Variants in PSEN1 observed in about 807,000 individuals in gnomAD.
PSEN1 encodes the protein presenilin-1.
PSEN1 carries 15 observed loss-of-function variants against 53.5 expected under a neutral mutation model. That is an observed-to-expected ratio of 0.28 (90% CI 0.19 to 0.43). The LOEUF is 0.43. Ranked by LOEUF, PSEN1 falls within the 20% of genes least tolerant of loss-of-function variation. PSEN1 has a pLI of 1.00. For missense variants in PSEN1, 387 were observed against 571.2 expected (o/e 0.68, Z 3.29); for synonymous variants, 208 against 209.8 (o/e 0.99, Z 0.08).
chr14:73,196,474 ATTTTTTT>A (rs35294154), intron 7 of PSEN1, among the ~76,000 whole-genome samples: 4 of 102,282 alleles, frequency 3.9e-5, no homozygotes, highest in South Asian at 3.4e-4. Context: ...GAGGCATGAA[ATTTTTTT>A]TTTTTTTTTT....
chr14:73,164,177 G>A (rs960047976), intron 3 of PSEN1, among the ~76,000 whole-genome samples: 5 of 152,074 alleles, frequency 3.3e-5, no homozygotes, highest in East Asian at 3.9e-4. Context: ...TCCTAGATTC[G>A]GGACTTCCTA....
intron 1 of PSEN1, chr14:73,137,128 C>T (rs45511501): frequency 1.8e-3 from 274 of 152,796 alleles, no homozygotes; most frequent in Middle Eastern, 3.4e-3. Flanking sequence ...CTCTCAGATT[C>T]TTCTCACCGT....
rs546349237 is a variant in PSEN1, at chr14:73,210,825, T to C, written c.956-944T>C. Among the ~76,000 whole-genome samples the C allele has an allele frequency of 9.8e-5, 15 of 152,346 alleles. No homozygotes were observed. The East Asian group carries it at 2.9e-3, about 29-fold the overall frequency. On this transcript the variant is annotated intron_variant, in intron 9 of 11. Coordinates refer to ENST00000324501, the MANE Select transcript of PSEN1 (RefSeq NM_000021.4). ...AATCTACTTCTGCTCTGAACATGTA[T>C]TACTTTTATAAAAAATGAAGGAAGA...
rs139085364 is a variant in PSEN1 at position 73,175,213 on chromosome 14, G to A, written c.480+1506G>A. 8.2e-3 allele frequency among the ~76,000 whole-genome samples: 1,241 copies of A among 152,182 alleles called. 19 individuals are homozygous for A. Among genetic ancestry groups the A allele is most frequent in the African/African-American group, 0.029 (1,188 of 41,528 alleles). On this transcript the variant is annotated intron_variant, in intron 5 of 11. Transcript: ENST00000324501. ...GCGATCTTGGCTCACTGCAAGCTGT[G>A]CCTCCTGGGTTCAAGCGATTCTTCT...
intron 3 of PSEN1, among the ~76,000 whole-genome samples, chr14:73,161,562 A>T (rs949757316): frequency 6.6e-5 from 10 of 152,038 alleles, no homozygotes; most frequent in African/African-American, 2.4e-4. Context: ...CAACAGAAAA[A>T]GACACATAGG....
rs552627930 is a variant in PSEN1 at position 73,213,812 on chromosome 14, G to A, written c.1129+1870G>A. Among the ~76,000 whole-genome samples, 156 of 152,330 alleles carry A rather than the reference G, an allele frequency of 1.0e-3. 1 individual carries two copies. Among genetic ancestry groups the A allele is most frequent in the African/African-American group, 3.3e-3 (136 of 41,580 alleles). ...AATCAAAACCACTTCATACTCACTA[G>A]ATTGGCTATAATAAAAAAGATAGAC... On this transcript the variant is annotated intron_variant, in intron 10 of 11. Transcript: ENST00000324501.
chr14:73,183,953 G>C (rs1450703541), intron 5 of PSEN1, among the ~76,000 whole-genome samples: 1 of 141,364 alleles, frequency 7.1e-6, no homozygotes, highest in Non-Finnish European at 1.5e-5. Flanking sequence ...CCTCCCGGAC[G>C]GGGCGGCTGG....
chr14:73,193,906 C>T (rs943824497), intron 7 of PSEN1, among the ~76,000 whole-genome samples: 2 of 152,196 alleles, frequency 1.3e-5, no homozygotes, highest in African/African-American at 4.8e-5. Context: ...ATCCTCCTAC[C>T]TTGGCCTCTC....
chr14:73,213,762 C>T (rs1401103842), intron 10 of PSEN1, among the ~76,000 whole-genome samples: 1 of 152,174 alleles, frequency 6.6e-6, no homozygotes, highest in Non-Finnish European at 1.5e-5. Context: ...AGATACTCAG[C>T]ATCATTAGCC....
chr14:73,202,357 T>C (rs1899224697), intron 8 of PSEN1, among the ~76,000 whole-genome samples: 2 of 140,696 alleles, frequency 1.4e-5, no homozygotes, highest in South Asian at 4.6e-4. Context: ...ACATTAAACA[T>C]GTATGTTAAT....
At chr14:73,144,708 C>T (rs554461749) in intron 1 of PSEN1, among the ~76,000 whole-genome samples, 2 of 152,252 alleles carry the variant, frequency 1.3e-5, no homozygotes, top group African/African-American at 4.8e-5. Flanking sequence ...TTAATAATGT[C>T]TCTAAGTTTT....
intron 5 of PSEN1, among the ~76,000 whole-genome samples, chr14:73,175,871 G>A (rs1010887869): frequency 5.3e-5 from 8 of 152,100 alleles, no homozygotes; most frequent in South Asian, 2.1e-4. Flanking sequence ...TCAAAATCTC[G>A]TTTTCAAAAA....
At chr14:73,193,663 T>C (rs1566642806) in intron 7 of PSEN1, among the ~76,000 whole-genome samples, 1 of 152,030 alleles carries the variant, frequency 6.6e-6, no homozygotes, top group African/African-American at 2.4e-5. Flanking sequence ...CAGAAGCTTT[T>C]TTCTTTTTTT....
intron 6 of PSEN1, among the ~76,000 whole-genome samples, chr14:73,187,620 T>C (rs1898564788): frequency 6.6e-6 from 1 of 152,132 alleles, no homozygotes; most frequent in African/African-American, 2.4e-5. Context: ...AGAGAATATC[T>C]AAACAGAGTA....
chr14:73,141,169 C>A (rs1276055026), intron 1 of PSEN1, among the ~76,000 whole-genome samples: 1 of 152,178 alleles, frequency 6.6e-6, no homozygotes, highest in African/African-American at 2.4e-5. Flanking sequence ...CACCATGCAG[C>A]CAAGCAAACT....
intron 1 of PSEN1, 157 bp from the exon 2 acceptor site, chr14:73,147,638 C>A: frequency 3.4e-6 from 1 of 295,528 alleles, no homozygotes; most frequent in Non-Finnish European, 6.6e-6. Flanking sequence ...CTAAAGAGGT[C>A]TACCTTGAGC....
At chr14:73,192,051 G>T (rs1252629220) in intron 6 of PSEN1, among the ~76,000 whole-genome samples, 1 of 151,956 alleles carries the variant, frequency 6.6e-6, no homozygotes, top group African/African-American at 2.4e-5. Context: ...CTGTGCAACT[G>T]GTTTCCCATT....
chr14:73,197,970 C>T, intron 7 of PSEN1, 61 bp from the exon 8 acceptor site: 1 of 903,852 alleles, frequency 1.1e-6, no homozygotes, highest in Admixed American at 1.8e-5. Context: ...CTCCCTACCA[C>T]CCATTTACAA....
rs187601578 is a variant in PSEN1 at position 73,186,402 on chromosome 14, A to G, written c.481-451A>G. ...CTCAGAAAAAAAAAAAGAATATTCA[A>G]ATGTCCAAGGAGTACCAATATCTAG... On this transcript the variant is annotated intron_variant, in intron 5 of 11. Coordinates refer to ENST00000324501, the MANE Select transcript of PSEN1 (RefSeq NM_000021.4). Among the ~76,000 whole-genome samples the G allele has an allele frequency of 2.6e-5, 4 of 152,270 alleles. No individual in the cohort carries two copies. In the East Asian group the frequency reaches 5.8e-4, roughly 22 times the overall value.
Sources: gnomAD v4.1 joint callset for allele counts (sites outside exome capture counted in the v4.1 genomes callset) on GRCh38, gnomAD v4.1.1 for gene constraint, MANE v1.5 for transcripts, NCBI Gene and HGNC (gene_info 2026-07-23, HGNC 2026-07-21) for gene names.